The following LYG1 variants were observed in gnomAD, a reference collection of about 807,000 sequenced individuals.
The protein encoded by LYG1 is lysozyme g-like protein 1.
A neutral mutation model predicts 21.7 loss-of-function variants in LYG1; 17 were observed. The ratio of observed to expected loss-of-function variants is 0.78; its 90% CI spans 0.54 to 1.18. The LOEUF is 1.18. LYG1 is among the 50% of genes most tolerant of loss of function. The probability of loss-of-function intolerance (pLI) is 0.00; values close to 1 mark genes in which losing one functional copy is unlikely to be tolerated. For missense variants in LYG1, 211 were observed against 238.1 expected (o/e 0.89, Z 0.75); for synonymous variants, 81 against 87.4 (o/e 0.93, Z 0.41).
chr2:99,289,635 A>C (rs771982391), intron 5 of LYG1, among the ~76,000 whole-genome samples: 2 of 152,100 alleles, frequency 1.3e-5, no homozygotes, highest in Non-Finnish European at 2.9e-5. Context: ...TGTAGGTAGC[A>C]GTGTGATGCC....
chr2:99,288,661 C>T (rs2094109388), intron 5 of LYG1, among the ~76,000 whole-genome samples: 1 of 152,142 alleles, frequency 6.6e-6, no homozygotes, highest in Admixed American at 6.6e-5. Flanking sequence ...CTCCGCCTCC[C>T]AGGCTCCAGC....
intron 5 of LYG1, among the ~76,000 whole-genome samples, chr2:99,285,065 C>G (rs1365374970): frequency 6.6e-6 from 1 of 152,132 alleles, no homozygotes; most frequent in African/African-American, 2.4e-5. Context: ...ACTACATGGT[C>G]AGAATATCCT....
chr2:99,298,481 G>A lies in LYG1; in HGVS notation c.-55C>T, dbSNP rs556711202. 3 of 152,298 alleles carry A rather than the reference G, an allele frequency of 2.0e-5. No homozygotes were observed. The South Asian group carries it at 6.2e-4, about 32-fold the overall frequency. The allele number at this position is 152,298 out of a possible 1,614,324, so 9.4% of individuals were successfully genotyped here. A position where few individuals can be genotyped will look rare whatever the true frequency, so the allele number is the denominator to read the frequency against. ...CACCCTCTCTCCACTGAGTACTTTG[G>A]AATTCCCAAAGCACTGTGTAAGTTT... On this transcript the variant is annotated 5_prime_UTR_variant, in exon 2 of 7. Coordinates refer to ENST00000308528, the MANE Select transcript of LYG1 (RefSeq NM_174898.3).
intron 5 of LYG1, among the ~76,000 whole-genome samples, chr2:99,290,046 T>C (rs1175674815): frequency 6.6e-6 from 1 of 152,090 alleles, no homozygotes; most frequent in East Asian, 1.9e-4. Flanking sequence ...TTAGTAGAGA[T>C]GGGGTTTCAC....
rs77461542 is a variant in LYG1 at position 99,286,912 on chromosome 2, A to C, written c.334-2092T>G. Reference sequence around the variant, plus strand: ...AATAAAGAAAATGTGGTATACACATATCATGGAAGATTATTCAACCTTAAA... The same window carrying C: ...AATAAAGAAAATGTGGTATACACATCTCATGGAAGATTATTCAACCTTAAA... On this transcript the variant is annotated intron_variant, in intron 5 of 6. Coordinates refer to ENST00000308528, the MANE Select transcript of LYG1 (RefSeq NM_174898.3). Among the ~76,000 whole-genome samples, 215 of 152,344 alleles carry C rather than the reference A, an allele frequency of 1.4e-3. 2 individuals carry two copies. The highest frequency in any genetic ancestry group is 5.0e-3 in the African/African-American group (208 of 41,578).
intron 5 of LYG1, among the ~76,000 whole-genome samples, chr2:99,289,836 CTT>C (rs1286402766): frequency 1.3e-4 from 18 of 142,188 alleles, no homozygotes; most frequent in African/African-American, 1.5e-4. Flanking sequence ...AGAGAATTCT[CTT>C]GTTTGTTGTT....
At position 99,298,147 on chromosome 2, in the gene LYG1, C is replaced by T. The variant is rs1303720943; in HGVS notation, c.-33+312G>A. Reference sequence around the variant, plus strand: ...TTTAGAAGAGATTGTTGAGACATCACTCGGGTGTGCTCAAAGAGTGTCTGT... The same window carrying T: ...TTTAGAAGAGATTGTTGAGACATCATTCGGGTGTGCTCAAAGAGTGTCTGT... On this transcript the variant is annotated intron_variant, in intron 2 of 6. Coordinates refer to ENST00000308528, the MANE Select transcript of LYG1 (RefSeq NM_174898.3). 2.6e-5 allele frequency among the ~76,000 whole-genome samples: 4 copies of T among 152,220 alleles called. No homozygotes were observed. The East Asian group carries it at 7.7e-4, about 29-fold the overall frequency.
chr2:99,285,773 C>T (rs1158481965), intron 5 of LYG1, among the ~76,000 whole-genome samples: 2 of 152,174 alleles, frequency 1.3e-5, no homozygotes, highest in Non-Finnish European at 2.9e-5. Context: ...AATTTGGACT[C>T]GTGCCCAAAT....
chr2:99,298,776 T>A (rs1482483570), intron 1 of LYG1, among the ~76,000 whole-genome samples: 1 of 152,188 alleles, frequency 6.6e-6, no homozygotes, highest in Admixed American at 6.5e-5. Flanking sequence ...AACTCCTGTA[T>A]GCATCCACAT....
At chr2:99,303,899 C>T (rs1574894872), upstream of LYG1, among the ~76,000 whole-genome samples, 1 of 151,430 alleles carries the variant, frequency 6.6e-6, no homozygotes, top group African/African-American at 2.4e-5. Context: ...CGGCCGGGCA[C>T]GGTGGCTCAC....
chr2:99,286,206 C>T (rs1267058531), intron 5 of LYG1, among the ~76,000 whole-genome samples: 1 of 152,162 alleles, frequency 6.6e-6, no homozygotes, highest in East Asian at 1.9e-4. Flanking sequence ...GGTCCCCAGC[C>T]TCCAGAACTG....
intron 5 of LYG1, among the ~76,000 whole-genome samples, chr2:99,287,526 G>C (rs765942443): frequency 5.1e-4 from 78 of 151,928 alleles, no homozygotes; most frequent in Admixed American, 1.1e-3. Flanking sequence ...TGAACTTAAA[G>C]GTTGGAAAAA....
upstream of LYG1, among the ~76,000 whole-genome samples, chr2:99,301,510 A>AAGGAAGGAAGGG (rs1553526305): frequency 9.0e-6 from 1 of 110,930 alleles, no homozygotes; most frequent in Non-Finnish European, 1.8e-5. Flanking sequence ...GGAAGGAAGG[A>AAGGAAGGAAGGG]AGGGAGGGAG....
chr2:99,285,397 T>A (rs1448844600), intron 5 of LYG1, among the ~76,000 whole-genome samples: 4 of 147,416 alleles, frequency 2.7e-5, no homozygotes, highest in East Asian at 2.0e-4. Flanking sequence ...AAAAAAAAAA[T>A]ATTTGCAGTA....
chr2:99,296,582 C>T lies in LYG1; in HGVS notation c.-32-880G>A, dbSNP rs192919359. Among the ~76,000 whole-genome samples the T allele has an allele frequency of 5.0e-3, 762 of 152,304 alleles. 2 individuals carry two copies. Among genetic ancestry groups the T allele is most frequent in the Admixed American group, 9.4e-3 (144 of 15,294 alleles). ...ACCAAGGATAGTTTGCTGTTAACCT[C>T]AGGGAATGGTAGAGTTTCTGGACCT... On this transcript the variant is annotated intron_variant, in intron 2 of 6. Transcript: ENST00000308528.
At chr2:99,301,792 G>A (rs1466316634), upstream of LYG1, among the ~76,000 whole-genome samples, 4 of 151,128 alleles carry the variant, frequency 2.6e-5, no homozygotes, top group Non-Finnish European at 5.9e-5. Context: ...CTGAACCACC[G>A]AGAGATACCA....
Position 99,292,523 on chromosome 2 carries a change from A to G in LYG1, c.148+13T>C. The stretch of plus-strand genomic sequence containing the variant: ...CCGGGGGATAGGTTGAGAGGGCGAA[A>G]GCTCATAGCTACCACAGTAGTTCAG... On this transcript the variant is annotated intron_variant, in intron 4 of 6. Transcript: ENST00000308528. 2.5e-6 allele frequency: 4 copies of G among 1,597,700 alleles called. No individual in the cohort carries two copies. The highest frequency in any genetic ancestry group is 3.4e-6 in the Non-Finnish European group (4 of 1,165,084).
intron 5 of LYG1, among the ~76,000 whole-genome samples, chr2:99,288,727 G>C (rs2094109633): frequency 6.6e-6 from 1 of 152,012 alleles, no homozygotes; most frequent in Non-Finnish European, 1.5e-5. Flanking sequence ...TGCCACTACT[G>C]CCTGACTGAT....
chr2:99,301,675 T>G, upstream of LYG1, among the ~76,000 whole-genome samples: 1 of 138,572 alleles, frequency 7.2e-6, no homozygotes, highest in Non-Finnish European at 1.6e-5. Context: ...AGCATGAGAG[T>G]GATCATAGAT....
Sources: allele counts gnomAD v4.1 joint callset (sites outside exome capture counted in the v4.1 genomes callset), GRCh38; gene constraint gnomAD v4.1.1; transcripts MANE v1.5; gene names NCBI Gene and HGNC (gene_info 2026-07-23, HGNC 2026-07-21).